Variants in FMN2 observed in about 807,000 individuals in gnomAD.
FMN2 encodes the protein formin 2, also known as formin-2.
A neutral mutation model predicts 142.3 loss-of-function variants in FMN2; 51 were observed. The observed-to-expected ratio is 0.36, with a 90% CI of 0.29 to 0.45. The LOEUF (loss-of-function observed/expected upper bound fraction) is 0.45, where lower values mean the gene tolerates loss of function less well. FMN2 is among the 20% of genes least tolerant of loss of function. The pLI, the probability that FMN2 is intolerant of heterozygous loss-of-function variation, is 1.00. For synonymous variants in FMN2, 882 were observed against 869.8 expected (o/e 1.01, Z -0.25); for missense variants, 1,936 against 2,122.8 (o/e 0.91, Z 1.73).
chr1:240,275,063 G>A (rs1669147791), intron 7 of FMN2, among the ~76,000 whole-genome samples: 1 of 144,618 alleles, frequency 6.9e-6, no homozygotes, highest in Admixed American at 7.3e-5. Flanking sequence ...GTCAAGAAAG[G>A]GTGTTCTTTT....
At chr1:240,142,918 G>A (rs529317565) in intron 2 of FMN2, 15 of 1,605,364 alleles carry the variant, frequency 9.3e-6, no homozygotes, top group Admixed American at 5.0e-5. Flanking sequence ...ATTCGGGGCC[G>A]CATGGCAGCC....
chr1:240,145,764 C>T (rs1663436590), intron 2 of FMN2, among the ~76,000 whole-genome samples: 1 of 151,830 alleles, frequency 6.6e-6, no homozygotes. Context: ...CCTGCCTCAG[C>T]CTCCCAAAGT....
intron 16 of FMN2, among the ~76,000 whole-genome samples, chr1:240,442,395 G>C (rs1359880406): frequency 6.6e-6 from 1 of 152,214 alleles, no homozygotes; most frequent in African/African-American, 2.4e-5. Flanking sequence ...ACCTGATCCT[G>C]AAGCAAGAGA....
intron 4 of FMN2, among the ~76,000 whole-genome samples, chr1:240,206,489 T>A (rs1666356542): frequency 6.6e-6 from 1 of 152,144 alleles, no homozygotes; most frequent in Non-Finnish European, 1.5e-5. Flanking sequence ...GAAAGAAGGC[T>A]ATCTTAGAAA....
At chr1:240,253,125 GTATTT>G (rs1668339143) in intron 6 of FMN2, among the ~76,000 whole-genome samples, 1 of 150,796 alleles carries the variant, frequency 6.6e-6, no homozygotes, top group African/African-American at 2.4e-5. Flanking sequence ...GCTAATTTTT[GTATTT>G]TATTTTATTT....
At chr1:240,123,768 A>G (rs535764224) in intron 2 of FMN2, among the ~76,000 whole-genome samples, 1 of 152,308 alleles carries the variant, frequency 6.6e-6, no homozygotes, top group East Asian at 1.9e-4. Flanking sequence ...ATCCATCTTT[A>G]GAACTCTTTT....
At chr1:240,361,186 A>ATATATAT (rs1672469324) in intron 14 of FMN2, among the ~76,000 whole-genome samples, 1 of 82,248 alleles carries the variant, frequency 1.2e-5, no homozygotes, top group Non-Finnish European at 3.0e-5. Context: ...TATATATATA[A>ATATATAT]AAGAGTTTAA....
intron 3 of FMN2, among the ~76,000 whole-genome samples, chr1:240,186,198 G>A (rs1156702590): frequency 6.6e-6 from 1 of 152,082 alleles, no homozygotes; most frequent in African/African-American, 2.4e-5. Context: ...TATCTATATT[G>A]TCTCTTGTAA....
intron 7 of FMN2, among the ~76,000 whole-genome samples, chr1:240,266,983 C>A (rs2102912830): frequency 6.6e-6 from 1 of 152,176 alleles, no homozygotes; most frequent in African/African-American, 2.4e-5. Flanking sequence ...AGACCTCAAA[C>A]TGTAAGAGTC....
At chr1:240,346,843 A>G (rs1243948838) in intron 13 of FMN2, among the ~76,000 whole-genome samples, 1 of 152,208 alleles carries the variant, frequency 6.6e-6, no homozygotes, top group East Asian at 1.9e-4. Context: ...TTCAAAAATA[A>G]GCATCATTAA....
chr1:240,297,594 C>CAAAAAAAAAAAAAAAAAAAAAAAAAA (rs57504077), intron 8 of FMN2, among the ~76,000 whole-genome samples: 1 of 88,784 alleles, frequency 1.1e-5, no homozygotes. Context: ...GACTCCATCT[C>CAAAAAAAAAAAAAAAAAAAAAAAAAA]AAAAAAAAAA....
chr1:240,251,363 C>A (rs188343800), intron 6 of FMN2, among the ~76,000 whole-genome samples: 1 of 152,042 alleles, frequency 6.6e-6, no homozygotes, highest in Admixed American at 6.6e-5. Context: ...TGTTTAATTT[C>A]CATGTATTTG....
chr1:240,421,269 A>T (rs890547633), intron 15 of FMN2, among the ~76,000 whole-genome samples: 1 of 152,150 alleles, frequency 6.6e-6, no homozygotes, highest in African/African-American at 2.4e-5. Context: ...TACCTTTCAG[A>T]TGGTACACAT....
chr1:240,327,912 C>G (rs958986001), intron 8 of FMN2, among the ~76,000 whole-genome samples: 1 of 151,664 alleles, frequency 6.6e-6, no homozygotes, highest in Non-Finnish European at 1.5e-5. Context: ...TTTGGGAGGC[C>G]GAGATGGGTG....
At chr1:240,426,814 C>A (rs1674950905) in intron 15 of FMN2, among the ~76,000 whole-genome samples, 2 of 152,152 alleles carry the variant, frequency 1.3e-5, no homozygotes, top group African/African-American at 2.4e-5. Flanking sequence ...TGGCTCACTG[C>A]ATCCTCCGCC....
intron 8 of FMN2, among the ~76,000 whole-genome samples, chr1:240,300,073 G>A (rs1183907588): frequency 6.6e-6 from 1 of 152,128 alleles, no homozygotes; most frequent in Non-Finnish European, 1.5e-5. Flanking sequence ...ACATGAATAT[G>A]TGCTTACATG....
chr1:240,434,594 C>T (rs2103171028), intron 15 of FMN2, among the ~76,000 whole-genome samples: 1 of 150,182 alleles, frequency 6.7e-6, no homozygotes, highest in South Asian at 2.1e-4. Flanking sequence ...TGGAGTCTCG[C>T]TCTGTCACCC....
At chr1:240,142,411 G>A (rs903591252) in intron 2 of FMN2, among the ~76,000 whole-genome samples, 1 of 152,082 alleles carries the variant, frequency 6.6e-6, no homozygotes, top group Non-Finnish European at 1.5e-5. Flanking sequence ...ACTGAAGATG[G>A]ATGGACAAGA....
intron 2 of FMN2, among the ~76,000 whole-genome samples, chr1:240,159,903 G>A (rs1328680652): frequency 3.9e-5 from 3 of 76,364 alleles, no homozygotes; most frequent in African/African-American, 2.0e-4. Context: ...ATATATATCT[G>A]TGTATATATA....
Sources: allele counts gnomAD v4.1 joint callset (sites outside exome capture counted in the v4.1 genomes callset), GRCh38; gene constraint gnomAD v4.1.1; transcripts MANE v1.5; gene names NCBI Gene and HGNC (gene_info 2026-07-23, HGNC 2026-07-21).